The following SIKE1 variants were observed in gnomAD, a reference collection of about 807,000 sequenced individuals.
SIKE1 encodes the protein suppressor of IKK epsilon.
SIKE1 carries 13 observed loss-of-function variants against 25.8 expected under a neutral mutation model. The observed-to-expected ratio is 0.50, with a 90% CI of 0.33 to 0.80. SIKE1 has a LOEUF of 0.80. Ranked by LOEUF, SIKE1 falls within the 30% of genes least tolerant of loss-of-function variation. SIKE1 has a pLI of 0.02. For missense variants in SIKE1, 222 were observed against 252.4 expected, an observed-to-expected ratio of 0.88 and a Z score of 0.82; for synonymous variants, 86 against 95.5, an observed-to-expected ratio of 0.90 and a Z score of 0.58.
intron 2 of SIKE1, 92 bp from the exon 3 acceptor site, chr1:114,779,376 G>A: frequency 8.0e-7 from 1 of 1,248,532 alleles, no homozygotes; most frequent in Non-Finnish European, 1.1e-6. Context: ...ACACTATATA[G>A]ATAATATGAA....
rs142832259 is a variant in SIKE1 at position 114,771,592 on chromosome 1, C to T, written c.*2679G>A. The stretch of plus-strand genomic sequence containing the variant: ...TAGATGGTAGCTATTATTGGCAATA[C>T]CATACATACTTTGCTTTTGTGGCAC... On this transcript the variant is annotated 3_prime_UTR_variant, in exon 5 of 5. Coordinates refer to ENST00000060969, the MANE Select transcript of SIKE1 (RefSeq NM_025073.3). 7 of 152,210 alleles carry T rather than the reference C, an allele frequency of 4.6e-5. No individual in the cohort carries two copies. The East Asian group carries it at 9.7e-4, about 21-fold the overall frequency. The allele number at this position is 152,210 out of a possible 1,614,324, so 9.4% of individuals were successfully genotyped here.
At chr1:114,778,621 C>G (rs75215190) in intron 3 of SIKE1, among the ~76,000 whole-genome samples, 3,115 of 152,180 alleles carry the variant, frequency 0.02, 63 homozygotes, top group Middle Eastern at 0.068. Context: ...ATAAAAGGAT[C>G]TGAGCAGCCC....
rs201941400 is a variant in SIKE1 at position 114,779,239 on chromosome 1, A to G, written c.311T>C (p.Ile104Thr). 9.9e-6 allele frequency: 16 copies of G among 1,614,104 alleles called. No individual in the cohort carries two copies. The highest frequency in any genetic ancestry group is 6.7e-5 in the East Asian group (3 of 44,900). ...LEEHQDALEL[I>T]MSKYRKQMLQ... ...CATCTGTTTCCGATATTTGCTCATG[A>G]TAAGTTCCAAAGCATCCTGGTGTTC... Residue 104 changes from isoleucine to threonine, a missense_variant, in exon 3 of 5, where the codon ATC (isoleucine) becomes ACC (threonine). By Grantham distance (89) the Ile-to-Thr change is moderately conservative. Coordinates refer to ENST00000060969, the MANE Select transcript of SIKE1 (RefSeq NM_025073.3).
In SIKE1 at chr1:114,774,331, A is replaced by C; in HGVS notation, c.564T>G (p.Ser188Arg). 6.2e-7 allele frequency: 1 copy of C among 1,612,288 alleles called. No homozygotes were observed. The highest frequency in any genetic ancestry group is 8.5e-7 in the Non-Finnish European group (1 of 1,178,732). Residue 188 changes from serine (S) to arginine (R), a missense_variant, in exon 5 of 5, where the codon AGT (serine) becomes AGG (arginine). By Grantham distance (110) the Ser-to-Arg change is moderately radical (BLOSUM62 -1). Transcript: ENST00000060969. The part of the protein sequence containing the change: ...KELRELLSIS[S>R]ESLQARKENS... ...TTTCCTTTCTGGCTTGAAGAGACTCACTGCTGATGGACAATAATTCTCGAA... is the reference window on the plus strand; with the variant it reads ...TTTCCTTTCTGGCTTGAAGAGACTCCCTGCTGATGGACAATAATTCTCGAA...
chr1:114,779,931 A>G (rs1019513245), intron 2 of SIKE1, among the ~76,000 whole-genome samples, 179 bp downstream of exon 2: 2 of 152,032 alleles, frequency 1.3e-5, no homozygotes, highest in African/African-American at 4.8e-5. Flanking sequence ...AGCTGCTGCA[A>G]TATTAGTCAG....
intron 1 of SIKE1, 65 bp downstream of exon 1, chr1:114,780,384 T>C (rs935751625): frequency 1.2e-5 from 19 of 1,612,162 alleles, no homozygotes; most frequent in Admixed American, 3.3e-5. Context: ...GTTCCCACTT[T>C]ACCTCGCTCT....
At chr1:114,779,927 T>C (rs1662353315) in intron 2 of SIKE1, among the ~76,000 whole-genome samples, 183 bp downstream of exon 2, 1 of 152,058 alleles carries the variant, frequency 6.6e-6, no homozygotes, top group Admixed American at 6.6e-5. Flanking sequence ...GGTAAGCTGC[T>C]GCAATATTAG....
At chr1:114,777,267 C>T (rs1371413437) in intron 3 of SIKE1, among the ~76,000 whole-genome samples, 1 of 152,116 alleles carries the variant, frequency 6.6e-6, no homozygotes, top group African/African-American at 2.4e-5. Flanking sequence ...AAAAAAAAGG[C>T]CTCCTTAAGG....
At chr1:114,774,991 G>C (rs1350720847) in intron 4 of SIKE1, among the ~76,000 whole-genome samples, 1 of 152,134 alleles carries the variant, frequency 6.6e-6, no homozygotes, top group Non-Finnish European at 1.5e-5. Context: ...GGTATTGCTG[G>C]GGTCTGAATC....
At chr1:114,777,260 A>C (rs934223574) in intron 3 of SIKE1, among the ~76,000 whole-genome samples, 4 of 152,210 alleles carry the variant, frequency 2.6e-5, no homozygotes, top group Non-Finnish European at 5.9e-5. Flanking sequence ...AACAAACAAA[A>C]AAAAGGCCTC....
rs757542603 is a variant in SIKE1, at chr1:114,774,292, A to T, written c.603T>A (p.Thr201=). Residue 201 remains threonine, a synonymous_variant, in exon 5 of 5, where the codon ACT becomes ACA. Transcript: ENST00000060969. ...TCAGTTATTTGATGGCTTGGGAAGC[A>T]GTGTCCATTGAGTTTTCCTTTCTGG... ...LQARKENSMD[T]ASQAIK 4 of 1,611,932 alleles carry T rather than the reference A, an allele frequency of 2.5e-6. No homozygotes were observed. Among genetic ancestry groups the T allele is most frequent in the Non-Finnish European group, 3.4e-6 (4 of 1,178,400 alleles).
In SIKE1 at chr1:114,780,412, G is replaced by C. The variant is rs1220942501; in HGVS notation, c.159+37C>G. On this transcript the variant is annotated intron_variant, in intron 1 of 4. Transcript: ENST00000060969. ...CTCGCTCTCCACCCTTCAGTGCCCA[G>C]AATCCGAGAGCACTGGACTCCTACC... The C allele has an allele frequency of 1.9e-6, 3 of 1,610,056 alleles. No individual in the cohort carries two copies. In the South Asian group the frequency reaches 3.3e-5, roughly 18 times the overall value.
chr1:114,780,599 G>A lies in SIKE1; in HGVS notation c.9C>T (p.Cys3=). The A allele has an allele frequency of 6.2e-7, 1 of 1,607,038 alleles. No individual in the cohort carries two copies. Among genetic ancestry groups the A allele is most frequent in the Non-Finnish European group, 8.5e-7 (1 of 1,177,306 alleles). The change falls in exon 1 of 5, where the codon TGC becomes TGT. Residue 3 remains cysteine (C), a synonymous_variant. Coordinates refer to ENST00000060969, the MANE Select transcript of SIKE1 (RefSeq NM_025073.3). MS[C]TIEKILTDAK... is the part of the protein sequence containing the mutation. ...CGTCTGTCAGGATCTTCTCGATGGT[G>A]CAGCTCATAGCAGCAGCACCACCCC...
chr1:114,776,688 A>G (rs1662252757), intron 3 of SIKE1, among the ~76,000 whole-genome samples: 1 of 151,864 alleles, frequency 6.6e-6, no homozygotes, highest in South Asian at 2.1e-4. Flanking sequence ...TGTGGAAGAC[A>G]GTGTGGTGAT....
At chr1:114,776,755 A>G (rs1276235252) in intron 3 of SIKE1, among the ~76,000 whole-genome samples, 1 of 152,094 alleles carries the variant, frequency 6.6e-6, no homozygotes, top group Non-Finnish European at 1.5e-5. Flanking sequence ...ATTACTGGGT[A>G]TATACCCAAA....
At position 114,774,275 on chromosome 1, in the gene SIKE1, T is replaced by C; in HGVS notation, c.620A>G (p.Lys207Arg). Reference sequence around the variant, plus strand: ...CAGCCATCATTCAGAGTTCAGTTATTTGATGGCTTGGGAAGCAGTGTCCAT... The same window carrying C: ...CAGCCATCATTCAGAGTTCAGTTATCTGATGGCTTGGGAAGCAGTGTCCAT... ...NSMDTASQAIK is the reference protein window; with the variant it reads ...NSMDTASQAIR Residue 207 changes from lysine to arginine, a missense_variant, in exon 5 of 5, where the codon AAA becomes AGA. Lys to Arg is a conservative substitution (Grantham distance 26). Transcript: ENST00000060969. 6.2e-7 allele frequency: 1 copy of C among 1,607,474 alleles called. No individual in the cohort carries two copies. Among genetic ancestry groups the C allele is most frequent in the Middle Eastern group, 1.7e-4 (1 of 6,040 alleles).
At position 114,772,831 on chromosome 1, in the gene SIKE1, A is replaced by G. The variant is rs1434829660; in HGVS notation, c.*1440T>C. 1.2e-4 allele frequency: 19 copies of G among 152,200 alleles called. No individual in the cohort carries two copies. The allele number at this position is 152,200 out of a possible 1,614,324, so 9.4% of individuals were successfully genotyped here. A position where few individuals can be genotyped will look rare whatever the true frequency, so the allele number is the denominator to read the frequency against. On this transcript the variant is annotated 3_prime_UTR_variant, in exon 5 of 5. Coordinates refer to ENST00000060969, the MANE Select transcript of SIKE1 (RefSeq NM_025073.3). ...CAAACAGAAATTTGAAAAATTCTTA[A>G]ATGACATATACCTATTCATTAACAC...
rs1204816595 is a variant in SIKE1, at chr1:114,773,128, T to G, written c.*1143A>C. 6.6e-6 allele frequency: 1 copy of G among 152,068 alleles called. No homozygotes were observed. Among genetic ancestry groups the G allele is most frequent in the Admixed American group, 6.6e-5 (1 of 15,262 alleles). The allele number at this position is 152,068 out of a possible 1,614,324, so 9.4% of individuals were successfully genotyped here. A position where few individuals can be genotyped will look rare whatever the true frequency, so the allele number is the denominator to read the frequency against. ...GTATAACATGAAGAAATTTATAAATTTGAAATGTGAGTAAACTGGGACGGG... is the reference window on the plus strand; with the variant it reads ...GTATAACATGAAGAAATTTATAAATGTGAAATGTGAGTAAACTGGGACGGG... On this transcript the variant is annotated 3_prime_UTR_variant, in exon 5 of 5. Coordinates refer to ENST00000060969, the MANE Select transcript of SIKE1 (RefSeq NM_025073.3).
At chr1:114,777,784 C>G (rs1245775783) in intron 3 of SIKE1, among the ~76,000 whole-genome samples, 1 of 151,948 alleles carries the variant, frequency 6.6e-6, no homozygotes, top group Non-Finnish European at 1.5e-5. Context: ...GTGCATCAAT[C>G]CCCCAGTAGG....
Sources: allele counts gnomAD v4.1 joint callset (sites outside exome capture counted in the v4.1 genomes callset), GRCh38; gene constraint gnomAD v4.1.1; transcripts MANE v1.5; gene names NCBI Gene and HGNC (gene_info 2026-07-23, HGNC 2026-07-21).